MZT1: variants seen among roughly 807,000 people sequenced by gnomAD.
The protein encoded by MZT1 is mitotic-spindle organizing protein 1.
A neutral mutation model predicts 8.5 loss-of-function variants in MZT1; 8 were observed. That is an observed-to-expected ratio of 0.94 (90% confidence interval 0.55 to 1.70). The LOEUF (loss-of-function observed/expected upper bound fraction) is 1.70. Among genes scored for constraint, MZT1 ranks in the 40% most tolerant of loss-of-function variants. The pLI, the probability that MZT1 is intolerant of heterozygous loss-of-function variation, is 0.00. For synonymous variants in MZT1, 38 were observed against 42.0 expected (o/e 0.90, Z 0.37); for missense variants, 93 against 108.6 (o/e 0.86, Z 0.64).
At chr13:72,723,061 C>T (rs889006862) in intron 1 of MZT1, among the ~76,000 whole-genome samples, 1 of 152,124 alleles carries the variant, frequency 6.6e-6, no homozygotes, top group Admixed American at 6.6e-5. Flanking sequence ...TATGATGCTT[C>T]TAACAGTTTT....
At chr13:72,727,212 G>T (rs1158774668) in intron 1 of MZT1, among the ~76,000 whole-genome samples, 3 of 152,202 alleles carry the variant, frequency 2.0e-5, no homozygotes, top group Non-Finnish European at 4.4e-5. Context: ...CACCGCAGGA[G>T]ATCGGGCGGG....
chr13:72,720,136 C>T (rs1168492796), intron 1 of MZT1, among the ~76,000 whole-genome samples: 1 of 152,168 alleles, frequency 6.6e-6, no homozygotes, highest in Non-Finnish European at 1.5e-5. Context: ...TAGGATCTAA[C>T]TTTTCCTCCC....
chr13:72,722,721 G>T (rs2032602984), intron 1 of MZT1, among the ~76,000 whole-genome samples: 1 of 152,134 alleles, frequency 6.6e-6, no homozygotes, highest in Non-Finnish European at 1.5e-5. Flanking sequence ...AGCATGCTTT[G>T]TCAGATTCTA....
chr13:72,720,931 T>G (rs1350272143), intron 1 of MZT1, among the ~76,000 whole-genome samples: 1 of 29,336 alleles, frequency 3.4e-5, no homozygotes, highest in Non-Finnish European at 3.2e-4. Flanking sequence ...TCAATTTGAG[T>G]CTTAAAAAAA....
intron 2 of MZT1, among the ~76,000 whole-genome samples, chr13:72,716,201 C>T (rs1390399683): frequency 6.6e-6 from 1 of 152,130 alleles, no homozygotes; most frequent in East Asian, 1.9e-4. Flanking sequence ...CTGGCTTAAG[C>T]TATCATGCCC....
intron 1 of MZT1, among the ~76,000 whole-genome samples, chr13:72,726,682 G>A (rs1400243009): frequency 7.0e-6 from 1 of 141,900 alleles, no homozygotes; most frequent in East Asian, 2.3e-4. Flanking sequence ...TCTTTGATAT[G>A]TTTTTACATG....
Position 72,718,960 on chromosome 13 carries a change from C to A in MZT1, c.217G>T (p.Ala73Ser). ...VIKELRKATE[A>S]LKAAENMTS Reference sequence around the variant, plus strand: ...TAATAGGAATCTCCAACCTTCAGTGCTTCAGTAGCCTTGCGAAGCTCCTTA... The same window carrying A: ...TAATAGGAATCTCCAACCTTCAGTGATTCAGTAGCCTTGCGAAGCTCCTTA... Residue 73 changes from alanine to serine, a missense_variant, in exon 2 of 3, where the codon GCA (alanine) becomes TCA (serine). Physicochemically the swap from Ala to Ser is moderately conservative, Grantham distance 99. Transcript: ENST00000377818. The A allele has an allele frequency of 6.4e-7, 1 of 1,564,424 alleles. No homozygotes were observed.
At chr13:72,713,847 T>C (rs2032510331) in intron 2 of MZT1, among the ~76,000 whole-genome samples, 1 of 152,228 alleles carries the variant, frequency 6.6e-6, no homozygotes, top group Non-Finnish European at 1.5e-5. Context: ...ACTGTAGTAG[T>C]TATCACTGTT....
In MZT1 at chr13:72,717,274, T is replaced by C. The variant is rs542486575; in HGVS notation, c.225+1678A>G. ...TTCCTCAATGAAATATCCAAGTTCA[T>C]TGCTTACATATTCTATTTTCCTTCC... On this transcript the variant is annotated intron_variant, in intron 2 of 2. Coordinates refer to ENST00000377818, the MANE Select transcript of MZT1 (RefSeq NM_001071775.3). Among the ~76,000 whole-genome samples the C allele has an allele frequency of 7.2e-5, 11 of 152,280 alleles. No individual in the cohort carries two copies. The South Asian group carries it at 2.3e-3, about 32-fold the overall frequency.
chr13:72,727,402 G>C, intron 1 of MZT1, 122 bp downstream of exon 1: 1 of 977,386 alleles, frequency 1.0e-6, no homozygotes. Context: ...CCCTACCAAA[G>C]ATCTTGGAAG....
At chr13:72,721,282 T>C (rs1208143984) in intron 1 of MZT1, among the ~76,000 whole-genome samples, 1 of 152,240 alleles carries the variant, frequency 6.6e-6, no homozygotes, top group Admixed American at 6.5e-5. Flanking sequence ...GGGCTAATTA[T>C]TCCCCTTATG....
rs145491840 is a variant in MZT1, at chr13:72,718,518, C to T, written c.225+434G>A. Among the ~76,000 whole-genome samples the T allele has an allele frequency of 8.2e-3, 1,244 of 151,888 alleles. 19 individuals carry two copies. Among genetic ancestry groups the T allele is most frequent in the Middle Eastern group, 0.021 (6 of 292 alleles). ...TTAGACGGAGTCTCACTCTGTCACCCAGTCTGGAGTGCAGTGTCGCCAACT... is the reference window on the plus strand; with the variant it reads ...TTAGACGGAGTCTCACTCTGTCACCTAGTCTGGAGTGCAGTGTCGCCAACT... On this transcript the variant is annotated intron_variant, in intron 2 of 2. Transcript: ENST00000377818.
chr13:72,711,661 A>G (rs1380572251), intron 2 of MZT1, among the ~76,000 whole-genome samples: 1 of 151,540 alleles, frequency 6.6e-6, no homozygotes, highest in African/African-American at 2.4e-5. Flanking sequence ...CACAGCAGGA[A>G]CAATTTCTCT....
At chr13:72,718,384 C>A (rs1769278059) in intron 2 of MZT1, among the ~76,000 whole-genome samples, 1 of 152,196 alleles carries the variant, frequency 6.6e-6, no homozygotes, top group Non-Finnish European at 1.5e-5. Flanking sequence ...CAACATGCCT[C>A]TTCTGGAGCA....
At chr13:72,719,144 TA>T in intron 1 of MZT1, 47 bp from the exon 2 acceptor site, 2 of 1,421,944 alleles carry the variant, frequency 1.4e-6, no homozygotes, top group East Asian at 4.8e-5. Flanking sequence ...TTACAGCATT[TA>T]AAAATATGCA....
At chr13:72,718,276 T>A (rs1176542298) in intron 2 of MZT1, among the ~76,000 whole-genome samples, 1 of 152,208 alleles carries the variant, frequency 6.6e-6, no homozygotes, top group Non-Finnish European at 1.5e-5. Context: ...GGTTAGGATC[T>A]ACCCTAATCC....
intron 1 of MZT1, among the ~76,000 whole-genome samples, chr13:72,723,960 A>G (rs2032614526): frequency 2.0e-5 from 3 of 152,072 alleles, no homozygotes; most frequent in Admixed American, 2.0e-4. Flanking sequence ...AATTACACTT[A>G]GACATCAAAA....
In MZT1 at chr13:72,727,134, C is replaced by G. The variant is rs573408186; in HGVS notation, c.79+390G>C. Among the ~76,000 whole-genome samples, 7 of 152,294 alleles carry G rather than the reference C, an allele frequency of 4.6e-5. No individual in the cohort carries two copies. The East Asian group carries it at 1.2e-3, about 25-fold the overall frequency. On this transcript the variant is annotated intron_variant, in intron 1 of 2. Coordinates refer to ENST00000377818, the MANE Select transcript of MZT1 (RefSeq NM_001071775.3). ...TTGGGGACCCCCGAAGCGCCCCGGG[C>G]GGGAATCGGGTGGGACGCGGCACGC...
rs2032623377 is a variant in MZT1, at chr13:72,724,701, AATATATATATATATATACATAT to A, written c.79+2801_79+2822del. On this transcript the variant is annotated intron_variant, in intron 1 of 2. Coordinates refer to ENST00000377818, the MANE Select transcript of MZT1 (RefSeq NM_001071775.3). Reference sequence around the variant, plus strand: ...TTACAGGCACCCGTACTTACTACTAAATATATATATATATATACATATATATATATATATATATACACATATA... The same window carrying A: ...TTACAGGCACCCGTACTTACTACTAAATATATATATATATATACACATATA... 9.2e-5 allele frequency among the ~76,000 whole-genome samples: 3 copies of A among 32,642 alleles called. 1 individual carries two copies. The highest frequency in any genetic ancestry group is 1.6e-4 in the African/African-American group (3 of 18,318). The allele number at this position is 32,642 out of a possible 152,430, so 21.4% of individuals were successfully genotyped here.
Sources: allele counts gnomAD v4.1 joint callset (sites outside exome capture counted in the v4.1 genomes callset), GRCh38; gene constraint gnomAD v4.1.1; transcripts MANE v1.5; gene names NCBI Gene and HGNC (gene_info 2026-07-23, HGNC 2026-07-21).